The following CNTN5 variants were observed in gnomAD, a reference collection of about 807,000 sequenced individuals.
CNTN5 encodes contactin 5, also known as contactin-5.
Under a neutral mutation model 129.1 loss-of-function variants are expected in CNTN5, and 77 were observed. The ratio of observed to expected loss-of-function variants is 0.60; its 90% CI spans 0.50 to 0.72. The LOEUF (loss-of-function observed/expected upper bound fraction) is 0.72. Among genes scored for constraint, CNTN5 ranks in the 30% least tolerant of loss-of-function variants. The pLI, the probability that CNTN5 is intolerant of heterozygous loss-of-function variation, is 0.00. For missense variants in CNTN5, 1,478 were observed against 1,328.8 expected (o/e 1.11, Z -1.75); for synonymous variants, 509 against 465.6 (o/e 1.09, Z -1.20).
intron 3 of CNTN5, among the ~76,000 whole-genome samples, chr11:99,585,214 A>T (rs965455953): frequency 6.6e-6 from 1 of 152,246 alleles, no homozygotes; most frequent in African/African-American, 2.4e-5. Context: ...ACTCATTACA[A>T]CTAGCCTTTA....
intron 1 of CNTN5, among the ~76,000 whole-genome samples, chr11:99,033,171 C>G (rs1863492347): frequency 6.6e-6 from 1 of 151,012 alleles, no homozygotes; most frequent in Non-Finnish European, 1.5e-5. Flanking sequence ...GTTACTGTAG[C>G]CTTGTAGTAT....
intron 1 of CNTN5, among the ~76,000 whole-genome samples, chr11:99,126,428 C>G (rs933634157): frequency 9.9e-5 from 15 of 152,126 alleles, no homozygotes; most frequent in African/African-American, 3.6e-4. Flanking sequence ...AGTTGAGAGG[C>G]AAGAGATACT....
At chr11:99,273,400 T>A (rs1307703790) in intron 1 of CNTN5, among the ~76,000 whole-genome samples, 2 of 151,866 alleles carry the variant, frequency 1.3e-5, no homozygotes, top group Non-Finnish European at 2.9e-5. Context: ...GCTTCTCTAG[T>A]GTATCCCAAC....
intron 6 of CNTN5, among the ~76,000 whole-genome samples, chr11:99,870,385 A>G (rs1948471776): frequency 6.6e-6 from 1 of 152,124 alleles, no homozygotes; most frequent in African/African-American, 2.4e-5. Context: ...ATATTTGACA[A>G]TAATATAATA....
At chr11:99,289,645 C>T (rs1340834639) in intron 1 of CNTN5, among the ~76,000 whole-genome samples, 2 of 151,812 alleles carry the variant, frequency 1.3e-5, no homozygotes, top group Non-Finnish European at 3.0e-5. Flanking sequence ...GCTTCTACCT[C>T]CTTTTCCAGA....
At chr11:100,258,102 T>G (rs1283079361) in intron 17 of CNTN5, among the ~76,000 whole-genome samples, 1 of 152,084 alleles carries the variant, frequency 6.6e-6, no homozygotes, top group South Asian at 2.1e-4. Context: ...AATGACCTGA[T>G]GGAACTGAAA....
chr11:100,204,038 T>C (rs937037416), intron 15 of CNTN5, among the ~76,000 whole-genome samples: 3 of 151,644 alleles, frequency 2.0e-5, no homozygotes, highest in African/African-American at 4.8e-5. Flanking sequence ...CCTTTCCCAG[T>C]GCTTCCATTA....
At chr11:99,954,115 T>C (rs1019943789) in intron 7 of CNTN5, among the ~76,000 whole-genome samples, 11 of 152,150 alleles carry the variant, frequency 7.2e-5, no homozygotes, top group African/African-American at 1.2e-4. Flanking sequence ...CTGCATGTTC[T>C]GCACATTTAT....
chr11:99,627,167 A>C (rs762594668), intron 3 of CNTN5, among the ~76,000 whole-genome samples: 1 of 152,110 alleles, frequency 6.6e-6, no homozygotes, highest in South Asian at 2.1e-4. Context: ...CCCACACTCC[A>C]TGAGATTGCC....
intron 1 of CNTN5, among the ~76,000 whole-genome samples, chr11:99,249,268 G>C (rs1283926594): frequency 6.6e-6 from 1 of 152,010 alleles, no homozygotes; most frequent in Non-Finnish European, 1.5e-5. Flanking sequence ...CTCTCTGTTT[G>C]TCTGTTATTG....
intron 18 of CNTN5, among the ~76,000 whole-genome samples, chr11:100,285,534 G>T (rs1044570295): frequency 2.6e-5 from 4 of 152,184 alleles, no homozygotes; most frequent in African/African-American, 9.7e-5. Context: ...TCAATATGTA[G>T]CCATTTTCTT....
intron 13 of CNTN5, among the ~76,000 whole-genome samples, chr11:100,083,186 G>T (rs1036258376): frequency 1.3e-5 from 2 of 151,886 alleles, no homozygotes; most frequent in Non-Finnish European, 2.9e-5. Context: ...GCGTGGTGGT[G>T]CATTCCTGTA....
chr11:100,345,517 A>C (rs1279488540), intron 23 of CNTN5, among the ~76,000 whole-genome samples: 1 of 152,060 alleles, frequency 6.6e-6, no homozygotes, highest in East Asian at 1.9e-4. Context: ...TGTCAGCAAC[A>C]TATATAACTA....
At chr11:99,705,844 T>A (rs960418371) in intron 3 of CNTN5, among the ~76,000 whole-genome samples, 15 of 151,302 alleles carry the variant, frequency 9.9e-5, no homozygotes, top group African/African-American at 3.4e-4. Flanking sequence ...ATAGTCCTGA[T>A]CCTCAAGTGT....
intron 6 of CNTN5, among the ~76,000 whole-genome samples, chr11:99,872,330 A>T (rs1456828724): frequency 1.3e-5 from 2 of 152,254 alleles, no homozygotes; most frequent in Non-Finnish European, 2.9e-5. Context: ...TTCCAGAAAG[A>T]TGATTACCAT....
chr11:99,193,164 C>T (rs956400238), intron 1 of CNTN5, among the ~76,000 whole-genome samples: 1 of 152,008 alleles, frequency 6.6e-6, no homozygotes, highest in African/African-American at 2.4e-5. Flanking sequence ...ATCAAATTCA[C>T]GTTTCTTATC....
intron 4 of CNTN5, among the ~76,000 whole-genome samples, chr11:99,833,929 T>C (rs570257770): frequency 2.8e-4 from 42 of 152,264 alleles, no homozygotes; most frequent in African/African-American, 9.9e-4. Flanking sequence ...GGATGTAACT[T>C]TCATTTAGGT....
At chr11:99,582,577 C>A (rs959008370) in intron 3 of CNTN5, among the ~76,000 whole-genome samples, 1 of 152,114 alleles carries the variant, frequency 6.6e-6, no homozygotes, top group Non-Finnish European at 1.5e-5. Flanking sequence ...TCATTCATTT[C>A]GTCTTCCATC....
chr11:99,762,014 A>G (rs1405950513), intron 3 of CNTN5, among the ~76,000 whole-genome samples: 1 of 116,818 alleles, frequency 8.6e-6, no homozygotes, highest in Non-Finnish European at 1.9e-5. Context: ...TCTGATGGCC[A>G]GTGATGATGG....
Sources: allele counts gnomAD v4.1 joint callset (sites outside exome capture counted in the v4.1 genomes callset), GRCh38; gene constraint gnomAD v4.1.1; transcripts MANE v1.5; gene names NCBI Gene and HGNC (gene_info 2026-07-23, HGNC 2026-07-21).